Variants in ROBO2 observed in about 807,000 individuals in gnomAD.
ROBO2 encodes roundabout guidance receptor 2.
Under a neutral mutation model 160.8 loss-of-function variants are expected in ROBO2, and 53 were observed. That is an observed-to-expected ratio of 0.33 (90% CI 0.26 to 0.41). The LOEUF (loss-of-function observed/expected upper bound fraction) is 0.41, where lower values mean the gene tolerates loss of function less well. ROBO2 is among the 10% of genes least tolerant of loss of function. ROBO2 has a pLI of 1.00. For missense variants in ROBO2, 1,577 were observed against 1,722.4 expected, an observed-to-expected ratio of 0.92 and a Z score of 1.49; for synonymous variants, 664 against 611.7, an observed-to-expected ratio of 1.09 and a Z score of -1.26.
At chr3:77,403,692 A>G (rs11127591) in intron 2 of ROBO2, among the ~76,000 whole-genome samples, 27,733 of 151,344 alleles carry the variant, frequency 0.18, 3,123 homozygotes, top group East Asian at 0.32. Context: ...TAATGCTGCA[A>G]TGAACATTAG....
intron 2 of ROBO2, among the ~76,000 whole-genome samples, chr3:76,851,764 A>AAATATATATATAT (rs1553659595): frequency 8.8e-5 from 12 of 137,092 alleles, no homozygotes; most frequent in African/African-American, 3.5e-4. Context: ...AAAAAAAAAA[A>AAATATATATATAT]ATATTAACAT....
chr3:76,172,868 G>T (rs1313659503), intron 2 of ROBO2, among the ~76,000 whole-genome samples: 1 of 151,978 alleles, frequency 6.6e-6, no homozygotes, highest in Admixed American at 6.6e-5. Context: ...TTTAAAAATT[G>T]ACCACCTGAA....
rs958287569 is a variant in ROBO2 at position 76,965,194 on chromosome 3, G to A, written c.110-132820G>A. Among the ~76,000 whole-genome samples, 9 of 152,290 alleles carry A rather than the reference G, an allele frequency of 5.9e-5. No individual in the cohort carries two copies. The South Asian group carries it at 8.3e-4, about 14-fold the overall frequency. On this transcript the variant is annotated intron_variant, in intron 2 of 26. Coordinates refer to the ROBO2 transcript ENST00000487694. ...ATCTGCTGCTAATTAGGCTAAAGCCGCTCATCTTCTGCATGATAGCTGGAG... is the reference window on the plus strand; with the variant it reads ...ATCTGCTGCTAATTAGGCTAAAGCCACTCATCTTCTGCATGATAGCTGGAG...
intron 2 of ROBO2, among the ~76,000 whole-genome samples, chr3:76,543,531 A>C (rs2082927391): frequency 6.6e-6 from 1 of 152,142 alleles, no homozygotes; most frequent in Non-Finnish European, 1.5e-5. Flanking sequence ...TTTGGTAAAG[A>C]GTACGGGCTC....
chr3:76,677,816 A>T (rs1321647855), intron 2 of ROBO2, among the ~76,000 whole-genome samples: 2 of 152,040 alleles, frequency 1.3e-5, no homozygotes, highest in African/African-American at 4.8e-5. Flanking sequence ...ATCCCAGACA[A>T]TAATCATATA....
intron 2 of ROBO2, among the ~76,000 whole-genome samples, chr3:76,665,817 G>T (rs967776471): frequency 1.4e-5 from 2 of 147,892 alleles, no homozygotes; most frequent in Non-Finnish European, 3.0e-5. Flanking sequence ...GCTTTTTAAA[G>T]CTAACTATAT....
chr3:76,776,372 C>T (rs970174722), intron 2 of ROBO2, among the ~76,000 whole-genome samples: 16 of 150,794 alleles, frequency 1.1e-4, no homozygotes, highest in Non-Finnish European at 2.2e-4. Context: ...TAAATGGGAA[C>T]TATTGTATGT....
chr3:76,117,531 T>TA (rs1282032418), intron 2 of ROBO2, among the ~76,000 whole-genome samples: 4 of 152,300 alleles, frequency 2.6e-5, no homozygotes, highest in East Asian at 3.9e-4. Context: ...TTAATATACT[T>TA]ACGTAAACTC....
chr3:77,258,890 T>C (rs1048369435), intron 2 of ROBO2, among the ~76,000 whole-genome samples: 1 of 152,244 alleles, frequency 6.6e-6, no homozygotes, highest in African/African-American at 2.4e-5. Flanking sequence ...GGAGTTTCCT[T>C]ACATACAAAT....
chr3:76,063,972 T>A (rs2068155340), intron 2 of ROBO2, among the ~76,000 whole-genome samples: 1 of 152,180 alleles, frequency 6.6e-6, no homozygotes, highest in African/African-American at 2.4e-5. Flanking sequence ...GAGGGCCATA[T>A]GGCTAGGATC....
intron 2 of ROBO2, among the ~76,000 whole-genome samples, chr3:76,268,708 G>T (rs929348723): frequency 3.3e-5 from 5 of 152,066 alleles, no homozygotes; most frequent in African/African-American, 1.2e-4. Flanking sequence ...ACACAATTCA[G>T]TCCATAATAA....
chr3:76,099,655 G>C (rs1043054571), intron 2 of ROBO2, among the ~76,000 whole-genome samples: 26 of 151,972 alleles, frequency 1.7e-4, no homozygotes, highest in African/African-American at 6.3e-4. Flanking sequence ...TTTTATACTT[G>C]TGCCAAAAAA....
chr3:76,170,493 G>T (rs550326409), intron 2 of ROBO2, among the ~76,000 whole-genome samples: 2 of 152,238 alleles, frequency 1.3e-5, no homozygotes, highest in South Asian at 4.1e-4. Flanking sequence ...AAAAGCAAAT[G>T]ATACTGGCCA....
chr3:76,604,255 C>G (rs1358753847), intron 2 of ROBO2, among the ~76,000 whole-genome samples: 2 of 152,124 alleles, frequency 1.3e-5, no homozygotes, highest in Non-Finnish European at 2.9e-5. Flanking sequence ...CAGAGATATA[C>G]AGTTTTTGGA....
intron 2 of ROBO2, among the ~76,000 whole-genome samples, chr3:77,023,080 G>A (rs746029993): frequency 2.1e-4 from 32 of 152,160 alleles, no homozygotes; most frequent in African/African-American, 7.7e-4. Flanking sequence ...AACTTGAAAT[G>A]TGTCTCCCAG....
At chr3:77,589,487 T>G (rs2094131810) in intron 17 of ROBO2, among the ~76,000 whole-genome samples, 1 of 152,134 alleles carries the variant, frequency 6.6e-6, no homozygotes, top group African/African-American at 2.4e-5. Context: ...AGACTCTTAT[T>G]ACAATGCAAA....
intron 2 of ROBO2, among the ~76,000 whole-genome samples, chr3:76,304,749 T>TCTTTCTTC (rs2071245347): frequency 1.0e-5 from 1 of 96,630 alleles, no homozygotes. Context: ...TTTCTTTCCT[T>TCTTTCTTC]CTTTCTTTCT....
chr3:77,223,929 T>A (rs950618713), intron 2 of ROBO2, among the ~76,000 whole-genome samples: 1 of 152,022 alleles, frequency 6.6e-6, no homozygotes, highest in South Asian at 2.1e-4. Context: ...TTCATATATA[T>A]CTTATTTGTG....
chr3:77,057,110 A>C (rs1415131709), intron 1 of ROBO2, among the ~76,000 whole-genome samples: 1 of 152,174 alleles, frequency 6.6e-6, no homozygotes, highest in Non-Finnish European at 1.5e-5. Context: ...GGCAATATAC[A>C]CCATGGAATA....
Sources: allele counts gnomAD v4.1 joint callset (sites outside exome capture counted in the v4.1 genomes callset), GRCh38; gene constraint gnomAD v4.1.1; transcripts MANE v1.5; gene names NCBI Gene and HGNC (gene_info 2026-07-23, HGNC 2026-07-21).